The following AKR7A3 variants were observed in gnomAD, a reference collection of about 807,000 sequenced individuals.
The protein encoded by AKR7A3 is AFB1 aldehyde reductase 2.
Under a neutral mutation model 32.5 loss-of-function variants are expected in AKR7A3, and 37 were observed. That is an observed-to-expected ratio of 1.14 (90% CI 0.88 to 1.50). The LOEUF (loss-of-function observed/expected upper bound fraction) is 1.50. AKR7A3 is among the 40% of genes most tolerant of loss of function. The pLI, the probability that AKR7A3 is intolerant of heterozygous loss-of-function variation, is 0.00. For missense variants in AKR7A3, 412 were observed against 453.2 expected (o/e 0.91, Z 0.83); for synonymous variants, 177 against 188.4 (o/e 0.94, Z 0.50).
intron 1 of AKR7A3, among the ~76,000 whole-genome samples, chr1:19,286,605 C>G (rs41264061): frequency 1.3e-5 from 2 of 151,772 alleles, no homozygotes; most frequent in Non-Finnish European, 2.9e-5. Flanking sequence ...TGCTTGAACC[C>G]GGGAGGCGGA....
At chr1:19,282,410 A>G (rs2093720328), downstream of AKR7A3, 3 of 407,492 alleles carry the variant, frequency 7.4e-6, no homozygotes, top group Non-Finnish European at 1.4e-5. Context: ...CCCCTCTGCC[A>G]TGACTGTAAG....
In AKR7A3 at chr1:19,288,766, A is replaced by C; in HGVS notation, c.-57T>G. On this transcript the variant is annotated 5_prime_UTR_variant, in exon 1 of 7. Transcript: ENST00000361640. ...GGAGCCGCGCGCAGCGGTCGGAAGC[A>C]CCAGGCTCGGAGCGGGCGGCCTCGT... The C allele has an allele frequency of 1.4e-6, 2 of 1,408,934 alleles. No homozygotes were observed. The highest frequency in any genetic ancestry group is 5.9e-5 in the Admixed American group (2 of 33,716). 87.3% of individuals were successfully genotyped at this position (1,408,934 alleles called of 1,614,324 possible).
chr1:19,285,808 G>A, intron 3 of AKR7A3, 80 bp downstream of exon 3: 1 of 1,556,522 alleles, frequency 6.4e-7, no homozygotes, highest in Non-Finnish European at 8.8e-7. Context: ...AGAGGGCACA[G>A]GGGGCAGTCA....
intron 1 of AKR7A3, among the ~76,000 whole-genome samples, chr1:19,287,583 G>A (rs1429332328): frequency 1.3e-5 from 2 of 151,908 alleles, no homozygotes; most frequent in African/African-American, 4.9e-5. Flanking sequence ...ATCAGACTGA[G>A]GGCGGCTCCT....
intron 4 of AKR7A3, 115 bp from the exon 5 acceptor site, chr1:19,284,900 T>G (rs1436880928): frequency 6.4e-7 from 1 of 1,569,306 alleles, no homozygotes; most frequent in East Asian, 2.2e-5. Context: ...AGATGCAGCC[T>G]TTACGTCTTT....
downstream of AKR7A3, among the ~76,000 whole-genome samples, chr1:19,282,319 G>C (rs780560040): frequency 2.6e-5 from 4 of 151,598 alleles, no homozygotes; most frequent in Non-Finnish European, 5.9e-5. Context: ...ACAGGATCTG[G>C]TTGTTTAAAA....
chr1:19,282,760 T>C lies in AKR7A3; in HGVS notation c.967A>G (p.Thr323Ala), dbSNP rs1738025. ...DAFNQAWHLV[T>A]HECPNYFR Reference sequence around the variant, plus strand: ...CGGAAGTAGTTGGGACATTCGTGAGTAACCAAATGCCAGGCTTGATTAAAG... The same window carrying C: ...CGGAAGTAGTTGGGACATTCGTGAGCAACCAAATGCCAGGCTTGATTAAAG... The change falls in exon 7 of 7, where the codon ACT (threonine) becomes GCT (alanine). Residue 323 changes from threonine to alanine, a missense_variant. Physicochemically the swap from Thr to Ala is moderately conservative, Grantham distance 58. Coordinates refer to ENST00000361640, the MANE Select transcript of AKR7A3 (RefSeq NM_012067.3). 0.82 allele frequency: 1,324,013 copies of C among 1,613,552 alleles called. 544,324 individuals carry two copies. The highest frequency in any genetic ancestry group is 0.87 in the South Asian group (79,065 of 91,078).
downstream of AKR7A3, among the ~76,000 whole-genome samples, chr1:19,281,928 G>A (rs765153008): frequency 1.3e-5 from 2 of 151,856 alleles, no homozygotes; most frequent in South Asian, 2.1e-4. Flanking sequence ...TACCCAGTAC[G>A]GGTACCACCA....
In AKR7A3 at chr1:19,288,694, A is replaced by G. The variant is rs767118930; in HGVS notation, c.16T>C (p.Ser6Pro). 8.6e-6 allele frequency: 13 copies of G among 1,509,558 alleles called. No homozygotes were observed. The African/African-American group carries it at 1.8e-4, about 21-fold the overall frequency. The allele number at this position is 1,509,558 out of a possible 1,614,324, so 93.5% of individuals were successfully genotyped here. A position where few individuals can be genotyped will look rare whatever the true frequency, so the allele number is the denominator to read the frequency against. MSRQL[S>P]RARPATVLGA... ...AGCACCGTGGCTGGCCGGGCCCGCG[A>G]CAGCTGCCGGGACATGACGGCGGCA... The change falls in exon 1 of 7, where the codon TCG (serine) becomes CCG (proline). Residue 6 changes from serine (S) to proline (P), a missense_variant. Physicochemically the swap from Ser to Pro is moderately conservative, Grantham distance 74. Coordinates refer to ENST00000361640, the MANE Select transcript of AKR7A3 (RefSeq NM_012067.3).
In AKR7A3 at chr1:19,286,044, G is replaced by A. The variant is rs758767745; in HGVS notation, c.403-52C>T. 4.4e-6 allele frequency: 7 copies of A among 1,608,496 alleles called. No individual in the cohort carries two copies. In the South Asian group the frequency reaches 6.6e-5, roughly 15 times the overall value. ...CATAGTGCAGCCCAGACCAGGAAAG[G>A]GAGGCCAGGGTGGGGCCCCTGGGAG... is the stretch of plus-strand genomic sequence containing the variant. On this transcript the variant is annotated intron_variant, in intron 2 of 6. Transcript: ENST00000361640.
At chr1:19,286,432 A>G (rs2093730170) in intron 1 of AKR7A3, 60 bp from the exon 2 acceptor site, 2 of 1,552,406 alleles carry the variant, frequency 1.3e-6, no homozygotes, top group Admixed American at 1.7e-5. Context: ...CTGTAATCCC[A>G]GCACTTTGGG....
chr1:19,286,504 A>G, intron 1 of AKR7A3, 132 bp from the exon 2 acceptor site: 1 of 897,848 alleles, frequency 1.1e-6, no homozygotes, highest in Non-Finnish European at 1.7e-6. Flanking sequence ...ACATGGTGAA[A>G]CCCCATCTCT....
rs2093724635 is a variant in AKR7A3, at chr1:19,284,213, A to C, written c.705-88T>G. The C allele has an allele frequency of 2.0e-6, 3 of 1,509,606 alleles. No individual in the cohort carries two copies. The Admixed American group carries it at 6.7e-5, about 33-fold the overall frequency. The allele number at this position is 1,509,606 out of a possible 1,614,324, so 93.5% of individuals were successfully genotyped here. ...AACCAGGGCCACTGTCCCACCCCAC[A>C]CCCTGCAGCCCTGAGGGGCAGGTGT... On this transcript the variant is annotated intron_variant, in intron 5 of 6. Transcript: ENST00000361640.
In AKR7A3 at chr1:19,286,339, C is replaced by G. The variant is rs753148651; in HGVS notation, c.248G>C (p.Gly83Ala). The change falls in exon 2 of 7, where the codon GGG (glycine) becomes GCG (alanine). Residue 83 changes from glycine to alanine, a missense_variant. Transcript: ENST00000361640. The part of the protein sequence containing the change: ...KIDTKAIPLF[G>A]NSLKPDSLRF... ...GAGACTGTCAGGCTTCAGGGAGTTC[C>G]CAAACAGTGGAATGGCCTTGGTATC... 1 of 1,613,722 alleles carries G rather than the reference C, an allele frequency of 6.2e-7. No homozygotes were observed. The highest frequency in any genetic ancestry group is 8.5e-7 in the Non-Finnish European group (1 of 1,180,028).
At chr1:19,283,320 G>A (rs2093722165) in intron 6 of AKR7A3, among the ~76,000 whole-genome samples, 2 of 151,684 alleles carry the variant, frequency 1.3e-5, no homozygotes, top group Non-Finnish European at 2.9e-5. Flanking sequence ...AAGACATGAG[G>A]CACTGAGAGA....
At chr1:19,279,622 T>C (rs1032645795), downstream of AKR7A3, among the ~76,000 whole-genome samples, 11 of 151,908 alleles carry the variant, frequency 7.2e-5, no homozygotes, top group Admixed American at 7.2e-4. Flanking sequence ...CTAGTGGGTG[T>C]GAAGTAGTGG....
rs148442626 is a variant in AKR7A3, at chr1:19,286,768, C to A, written c.215-396G>T. On this transcript the variant is annotated intron_variant, in intron 1 of 6. Transcript: ENST00000361640. ...AGGTGAGTGGAGAGTCCTCTTCCCA[C>A]TTTTCACACTTAGAAAGTCACCTAG... Among the ~76,000 whole-genome samples, 943 of 151,954 alleles carry A rather than the reference C, an allele frequency of 6.2e-3. 21 individuals carry two copies. The highest frequency in any genetic ancestry group is 0.021 in the African/African-American group (879 of 41,236).
chr1:19,284,587 A>T, intron 5 of AKR7A3, 99 bp downstream of exon 5: 2 of 1,252,956 alleles, frequency 1.6e-6, no homozygotes, highest in Non-Finnish European at 2.3e-6. Context: ...GAGTAGGTGC[A>T]GCAGCGAGGA....
intron 1 of AKR7A3, 63 bp downstream of exon 1, chr1:19,288,433 T>C (rs1480029496): frequency 1.1e-5 from 18 of 1,565,546 alleles, no homozygotes; most frequent in African/African-American, 2.7e-5. Flanking sequence ...AGCGGGGCGG[T>C]ACACGGCTGT....
Sources: allele counts gnomAD v4.1 joint callset (sites outside exome capture counted in the v4.1 genomes callset), GRCh38; gene constraint gnomAD v4.1.1; transcripts MANE v1.5; gene names NCBI Gene and HGNC (gene_info 2026-07-23, HGNC 2026-07-21).